Variants in PRKDC observed in about 807,000 individuals in gnomAD.
PRKDC encodes DNA-dependent protein kinase catalytic subunit.
Under a neutral mutation model 486.9 loss-of-function variants are expected in PRKDC, and 82 were observed. That is an observed-to-expected ratio of 0.17 (90% CI 0.14 to 0.20). PRKDC has a LOEUF of 0.20. PRKDC is among the 10% of genes least tolerant of loss of function. PRKDC has a pLI of 1.00. For synonymous variants in PRKDC, 1,895 were observed against 1,837.0 expected, an observed-to-expected ratio of 1.03 and a Z score of -0.81; for missense variants, 4,504 against 5,038.2, an observed-to-expected ratio of 0.89 and a Z score of 3.21.
chr8:47,785,020 T>TATCCCA, intron 77 of PRKDC, 93 bp downstream of exon 77: 4 of 1,184,236 alleles, frequency 3.4e-6, no homozygotes, highest in Non-Finnish European at 4.9e-6. Flanking sequence ...TAACTGTCAA[T>TATCCCA]ATCCCAGTAT....
intron 80 of PRKDC, among the ~76,000 whole-genome samples, chr8:47,780,746 T>C (rs899855444): frequency 4.6e-5 from 7 of 152,146 alleles, no homozygotes; most frequent in African/African-American, 1.7e-4. Flanking sequence ...AAGATCATCC[T>C]GGCCAACATA....
chr8:47,876,011 A>G (rs1442672469), intron 40 of PRKDC, among the ~76,000 whole-genome samples: 1 of 152,254 alleles, frequency 6.6e-6, no homozygotes, highest in Non-Finnish European at 1.5e-5. Flanking sequence ...ATAAGAGATC[A>G]CATATTGTAT....
chr8:47,928,525 A>G (rs1438766199), intron 19 of PRKDC, among the ~76,000 whole-genome samples: 1 of 151,774 alleles, frequency 6.6e-6, no homozygotes, highest in East Asian at 1.9e-4. Context: ...CAGATTTAGC[A>G]AACACATTTT....
At chr8:47,864,809 G>A in intron 40 of PRKDC, 46 bp from the exon 41 acceptor site, 1 of 1,453,084 alleles carries the variant, frequency 6.9e-7, no homozygotes, top group Non-Finnish European at 9.2e-7. Context: ...GCTTTGAAGA[G>A]GAACTTTATG....
intron 54 of PRKDC, among the ~76,000 whole-genome samples, chr8:47,843,811 A>G (rs1231660572): frequency 2.0e-5 from 3 of 152,366 alleles, no homozygotes; most frequent in African/African-American, 7.2e-5. Flanking sequence ...TCATAAGGAA[A>G]GAAAAAATAA....
At position 47,782,295 on chromosome 8, in the gene PRKDC, G is replaced by T. The variant is rs1300086028; in HGVS notation, c.11397-41C>A. The stretch of plus-strand genomic sequence containing the variant: ...AAAGGTTAACGAGTAAACCCAAACT[G>T]CTCTTTCTTCACTAGAAAAACAGTC... On this transcript the variant is annotated intron_variant, in intron 79 of 85. Transcript: ENST00000314191. This position sits in a 1 kb window ranked among gnomAD's most constrained non-coding sequence, Gnocchi z 4.9. 2 of 1,610,294 alleles carry T rather than the reference G, an allele frequency of 1.2e-6. No homozygotes were observed. The highest frequency in any genetic ancestry group is 8.5e-7 in the Non-Finnish European group (1 of 1,176,550).
intron 58 of PRKDC, among the ~76,000 whole-genome samples, chr8:47,835,409 G>C (rs2087991995): frequency 6.6e-6 from 1 of 151,856 alleles, no homozygotes; most frequent in East Asian, 1.9e-4. Context: ...CACAAGGTCA[G>C]GATATCTAGA....
chr8:47,877,177 T>A (rs1349296132), intron 40 of PRKDC, among the ~76,000 whole-genome samples: 2 of 152,076 alleles, frequency 1.3e-5, no homozygotes, highest in African/African-American at 4.8e-5. Context: ...AAAAACAAAA[T>A]AAATAATAGA....
intron 58 of PRKDC, among the ~76,000 whole-genome samples, chr8:47,834,686 CTT>C (rs1014285595): frequency 1.3e-4 from 13 of 96,768 alleles, no homozygotes; most frequent in Admixed American, 5.9e-4. Context: ...GAACCCCTGA[CTT>C]TTTTTTTTTT....
Position 47,960,097 on chromosome 8 carries a change from G to A in PRKDC, c.30C>T (p.Cys10=). The A allele has an allele frequency of 6.6e-7, 1 of 1,524,928 alleles. No homozygotes were observed. Among genetic ancestry groups the A allele is most frequent in the Non-Finnish European group, 8.8e-7 (1 of 1,141,838 alleles). The allele number at this position is 1,524,928 out of a possible 1,614,324, so 94.5% of individuals were successfully genotyped here. The part of the protein sequence containing the change: MAGSGAGVR[C]SLLRLQETLS... ...AGGTCTCCTGCAGCCGCAGCAGGGA[G>A]CAACGCACACCGGCTCCGGAGCCCG... is the stretch of plus-strand genomic sequence containing the variant. The change falls in exon 1 of 86, where the codon TGC becomes TGT. Residue 10 remains cysteine (C), a synonymous_variant. Coordinates refer to ENST00000314191, the MANE Select transcript of PRKDC (RefSeq NM_006904.7).
chr8:47,775,669 A>G (rs1403266516), intron 85 of PRKDC, among the ~76,000 whole-genome samples: 1 of 152,068 alleles, frequency 6.6e-6, no homozygotes, highest in Non-Finnish European at 1.5e-5. Context: ...AGGCTGAAAC[A>G]CCTTCTTGAT....
intron 24 of PRKDC, 70 bp from the exon 25 acceptor site, chr8:47,912,632 A>C: frequency 7.0e-7 from 1 of 1,420,226 alleles, no homozygotes. Flanking sequence ...TTGAAATGTC[A>C]CTCAATTTAG....
Position 47,820,881 on chromosome 8 carries a change from G to T in PRKDC, c.9174C>A (p.Asp3058Glu). The change falls in exon 66 of 86, where the codon GAC (aspartate) becomes GAA (glutamate). Residue 3058 changes from aspartate to glutamate, a missense_variant. Coordinates refer to ENST00000314191, the MANE Select transcript of PRKDC (RefSeq NM_006904.7). ...TGTCAATAAATGTCAGCAGGGACTG[G>T]TCAGCCTCTCCCTGGAGCAGCAGCT... ...KLKLLLQGEA[D>E]QSLLTFIDKA... The T allele has an allele frequency of 6.2e-7, 1 of 1,610,680 alleles. No homozygotes were observed. The highest frequency in any genetic ancestry group is 8.5e-7 in the Non-Finnish European group (1 of 1,177,788).
Position 47,927,303 on chromosome 8 carries a change from C to G in PRKDC, c.2310G>C (p.Leu770=), listed in dbSNP as rs561791968. ...AAATTGACCATTCTTCTAGAGCATTCAGGCCTACTTCTGCCAAGGGGGTAT... is the reference window on the plus strand; with the variant it reads ...AAATTGACCATTCTTCTAGAGCATTGAGGCCTACTTCTGCCAAGGGGGTAT... ...LSYTPLAEVG[L]NALEEWSIYI... The change falls in exon 21 of 86, where the codon CTG becomes CTC. Residue 770 remains leucine (L), a synonymous_variant. Transcript: ENST00000314191. 8.1e-6 allele frequency: 13 copies of G among 1,613,760 alleles called. No homozygotes were observed. The South Asian group carries it at 1.2e-4, about 15-fold the overall frequency.
In PRKDC at chr8:47,887,535, C is replaced by T. The variant is rs956684734; in HGVS notation, c.4572+12G>A. 40 of 1,564,176 alleles carry T rather than the reference C, an allele frequency of 2.6e-5. No homozygotes were observed. Among genetic ancestry groups the T allele is most frequent in the African/African-American group, 1.2e-4 (9 of 73,412 alleles). ...ATTAGGGGAGTGCAGCATGCAGAGG[C>T]GTTTTTCCTACCAGTCCTCCAAAAG... On this transcript the variant is annotated intron_variant, in intron 35 of 85. Coordinates refer to ENST00000314191, the MANE Select transcript of PRKDC (RefSeq NM_006904.7).
chr8:47,789,037 C>T lies in PRKDC; in HGVS notation c.10771G>A (p.Asp3591Asn). 1 of 1,612,138 alleles carries T rather than the reference C, an allele frequency of 6.2e-7. No homozygotes were observed. Among genetic ancestry groups the T allele is most frequent in the South Asian group, 1.1e-5 (1 of 90,634 alleles). Residue 3591 changes from aspartate (D) to asparagine (N), a missense_variant, in exon 76 of 86, where the codon GAT (aspartate) becomes AAT (asparagine). Transcript: ENST00000314191. ...PELLFKDWSN[D>N]VRAELAKTPV... ...GTTTTTGCTAGTTCAGCTCTTACATCATTGCTCCAATCCTGTCAGGGGAAA... is the reference window on the plus strand; with the variant it reads ...GTTTTTGCTAGTTCAGCTCTTACATTATTGCTCCAATCCTGTCAGGGGAAA...
chr8:47,817,560 G>C lies in PRKDC; in HGVS notation c.9447C>G (p.Gly3149=). The stretch of plus-strand genomic sequence containing the variant: ...TAAGGGGAACTTGAGATGATAAATT[G>C]CCTAAAAATAGTATTAGAGGGTGAC... The part of the protein sequence containing the change: ...QEFISFISKQ[G]NLSSQVPLKR... Residue 3149 remains glycine, a splice_region_variant and synonymous_variant, in exon 68 of 86, where the codon GGC becomes GGG. Coordinates refer to ENST00000314191, the MANE Select transcript of PRKDC (RefSeq NM_006904.7). 1 of 1,580,124 alleles carries C rather than the reference G, an allele frequency of 6.3e-7. No homozygotes were observed. Among genetic ancestry groups the C allele is most frequent in the South Asian group, 1.1e-5 (1 of 87,684 alleles).
chr8:47,909,799 C>T (rs2089862437), intron 25 of PRKDC, among the ~76,000 whole-genome samples: 1 of 152,122 alleles, frequency 6.6e-6, no homozygotes, highest in Non-Finnish European at 1.5e-5. Context: ...TTGTCTCCTG[C>T]AGTACCCTCA....
chr8:47,887,112 C>G (rs1197369486), intron 35 of PRKDC, among the ~76,000 whole-genome samples: 2 of 152,174 alleles, frequency 1.3e-5, no homozygotes, highest in Non-Finnish European at 2.9e-5. Context: ...TCAGCTACAG[C>G]AGGGACTATT....
Sources: allele counts gnomAD v4.1 joint callset (sites outside exome capture counted in the v4.1 genomes callset), GRCh38; gene constraint gnomAD v4.1.1; non-coding constraint Gnocchi (gnomAD v3.1); transcripts MANE v1.5; gene names NCBI Gene and HGNC (gene_info 2026-07-23, HGNC 2026-07-21).